ADAMTSL1: variants seen among roughly 807,000 people sequenced by gnomAD.
ADAMTSL1 encodes the protein ADAMTS-like protein 1.
ADAMTSL1 carries 126 observed loss-of-function variants against 201.8 expected under a neutral mutation model. The observed-to-expected ratio is 0.62, with a 90% CI of 0.54 to 0.72. The LOEUF (loss-of-function observed/expected upper bound fraction) is 0.72. ADAMTSL1 is among the 30% of genes least tolerant of loss of function. The pLI is 0.00. For missense variants in ADAMTSL1, 2,679 were observed against 2,277.8 expected, an observed-to-expected ratio of 1.18 and a Z score of -3.59; for synonymous variants, 1,121 against 903.4, an observed-to-expected ratio of 1.24 and a Z score of -4.32.
At chr9:18,114,499 G>A (rs373607286) in intron 1 of ADAMTSL1, among the ~76,000 whole-genome samples, 4 of 151,970 alleles carry the variant, frequency 2.6e-5, no homozygotes, top group Admixed American at 6.6e-5. Context: ...AGGAAGGAGG[G>A]AGGAGAGGAA....
At position 18,474,365 on chromosome 9, in the gene ADAMTSL1, G is replaced by T; in HGVS notation, c.63+70G>T. 7 of 1,449,416 alleles carry T rather than the reference G, an allele frequency of 4.8e-6. No individual in the cohort carries two copies. The South Asian group carries it at 8.1e-5, about 17-fold the overall frequency. 89.8% of individuals were successfully genotyped at this position (1,449,416 alleles called of 1,614,324 possible). ...TGGGTGCTGTTGGGGGTGTGTGTGT[G>T]TATGTGTGTTTGTGTGTGTGTGTGT... On this transcript the variant is annotated intron_variant, in intron 1 of 28. Coordinates refer to ENST00000380548, the MANE Select transcript of ADAMTSL1 (RefSeq NM_001040272.6).
chr9:18,527,211 G>C (rs1819133939), intron 2 of ADAMTSL1, among the ~76,000 whole-genome samples: 1 of 152,186 alleles, frequency 6.6e-6, no homozygotes, highest in Admixed American at 6.6e-5. Flanking sequence ...TGAAAAGCTA[G>C]TGATATTCAG....
chr9:18,166,151 T>C (rs1464138636), intron 2 of ADAMTSL1, among the ~76,000 whole-genome samples: 1 of 151,950 alleles, frequency 6.6e-6, no homozygotes, highest in Non-Finnish European at 1.5e-5. Context: ...CCCAAAGACA[T>C]TTATGCACAC....
At chr9:18,073,962 C>G (rs886537288) in intron 1 of ADAMTSL1, among the ~76,000 whole-genome samples, 2 of 138,544 alleles carry the variant, frequency 1.4e-5, no homozygotes, top group African/African-American at 5.5e-5. Flanking sequence ...CTGTTTCATG[C>G]CTTGTTGTAA....
chr9:18,067,371 C>T (rs1822752474), intron 1 of ADAMTSL1, among the ~76,000 whole-genome samples: 1 of 152,302 alleles, frequency 6.6e-6, no homozygotes, highest in Non-Finnish European at 1.5e-5. Context: ...AATTCAAAAA[C>T]ATTAGCAGAT....
chr9:18,457,517 A>G (rs1288202534), intron 2 of ADAMTSL1, among the ~76,000 whole-genome samples: 2 of 152,060 alleles, frequency 1.3e-5, no homozygotes, highest in Admixed American at 6.6e-5. Flanking sequence ...TAGTTTTTGT[A>G]GAGACAGTAG....
At chr9:18,067,706 C>T (rs1231981586) in intron 1 of ADAMTSL1, among the ~76,000 whole-genome samples, 2 of 152,112 alleles carry the variant, frequency 1.3e-5, no homozygotes, top group Non-Finnish European at 2.9e-5. Flanking sequence ...CAACAGCAGC[C>T]GGGCCTAGGA....
rs921325649 is a variant in ADAMTSL1, at chr9:18,504,835, A to G, written c.70A>G (p.Arg24Gly). Reference sequence around the variant, plus strand: ...ATTCTTTTGTTTCTCACAGAGTTCCAGGACCGCACGCTCCGAGGAGGACCG... The same window carrying G: ...ATTCTTTTGTTTCTCACAGAGTTCCGGGACCGCACGCTCCGAGGAGGACCG... ...LFLAFLLLSS[R>G]TARSEEDRDG... The change falls in exon 2 of 29, where the codon AGG (arginine) becomes GGG (glycine). Residue 24 changes from arginine to glycine, a missense_variant. Physicochemically the swap from Arg to Gly is moderately radical, Grantham distance 125. Coordinates refer to ENST00000380548, the MANE Select transcript of ADAMTSL1 (RefSeq NM_001040272.6). The G allele has an allele frequency of 9.3e-6, 15 of 1,614,098 alleles. No homozygotes were observed. In the African/African-American group the frequency reaches 1.5e-4, roughly 16 times the overall value.
chr9:17,990,515 TTTC>T (rs1466642334), intron 1 of ADAMTSL1, among the ~76,000 whole-genome samples: 4 of 152,084 alleles, frequency 2.6e-5, no homozygotes, highest in Non-Finnish European at 5.9e-5. Flanking sequence ...TTTTTCACCT[TTTC>T]TTAACAGTAG....
chr9:18,180,555 A>G (rs1433746736), intron 2 of ADAMTSL1, among the ~76,000 whole-genome samples: 3 of 150,306 alleles, frequency 2.0e-5, no homozygotes, highest in Non-Finnish European at 4.4e-5. Context: ...AAAAAAAAAA[A>G]TACCTAAGAA....
chr9:18,637,810 G>A (rs529652547), intron 6 of ADAMTSL1, among the ~76,000 whole-genome samples: 7 of 152,184 alleles, frequency 4.6e-5, no homozygotes, highest in African/African-American at 1.7e-4. Flanking sequence ...AATAAGATGA[G>A]GCAATCTAGT....
intron 23 of ADAMTSL1, among the ~76,000 whole-genome samples, chr9:18,886,462 G>A (rs181320106): frequency 2.6e-4 from 40 of 152,132 alleles, no homozygotes; most frequent in African/African-American, 9.2e-4. Context: ...GAGGGTAGCC[G>A]CCTGTCTTAG....
At chr9:18,048,453 C>G (rs771609824) in intron 1 of ADAMTSL1, among the ~76,000 whole-genome samples, 11 of 152,026 alleles carry the variant, frequency 7.2e-5, no homozygotes, top group Non-Finnish European at 1.3e-4. Context: ...GGCTTTAATA[C>G]TGCTATATAG....
intron 1 of ADAMTSL1, among the ~76,000 whole-genome samples, chr9:18,077,287 G>A (rs1476008052): frequency 6.6e-6 from 1 of 152,166 alleles, no homozygotes; most frequent in African/African-American, 2.4e-5. Context: ...CATATTTAAC[G>A]TTGGAGGAAA....
chr9:18,777,166 G>T lies in ADAMTSL1; in HGVS notation c.2937G>T (p.Glu979Asp), dbSNP rs562701410. 6.2e-7 allele frequency: 1 copy of T among 1,612,940 alleles called. No individual in the cohort carries two copies. Among genetic ancestry groups the T allele is most frequent in the Non-Finnish European group, 8.5e-7 (1 of 1,179,812 alleles). Reference protein sequence around the residue: ...ARPLSPRSEEEVLAGRKGGPK... With the variant: ...ARPLSPRSEEDVLAGRKGGPK... ...CCTTGAGCCCGAGAAGTGAGGAAGAGGTGCTTGCGGGGAGGAAGGGCGGCC... is the reference window on the plus strand; with the variant it reads ...CCTTGAGCCCGAGAAGTGAGGAAGATGTGCTTGCGGGGAGGAAGGGCGGCC... The change falls in exon 19 of 29, where the codon GAG becomes GAT. Residue 979 changes from glutamate (E) to aspartate (D), a missense_variant. Glu to Asp is a conservative substitution (Grantham distance 45). Transcript: ENST00000380548.
chr9:18,378,819 G>T (rs1837422153), intron 2 of ADAMTSL1, among the ~76,000 whole-genome samples: 1 of 149,986 alleles, frequency 6.7e-6, no homozygotes, highest in South Asian at 2.1e-4. Context: ...TTTTGTTGTT[G>T]TTTGTTTGTT....
intron 1 of ADAMTSL1, among the ~76,000 whole-genome samples, chr9:18,116,218 T>G (rs1825242167): frequency 6.6e-6 from 1 of 152,162 alleles, no homozygotes; most frequent in African/African-American, 2.4e-5. Context: ...GGACAATTAA[T>G]GGACTACATA....
intron 1 of ADAMTSL1, among the ~76,000 whole-genome samples, chr9:18,102,007 C>G (rs910331861): frequency 2.1e-4 from 32 of 152,100 alleles, no homozygotes; most frequent in Admixed American, 1.6e-3. Context: ...TCATTTAGCT[C>G]CCGTGTGTGG....
intron 2 of ADAMTSL1, among the ~76,000 whole-genome samples, chr9:18,227,434 A>C (rs552651287): frequency 6.6e-6 from 1 of 152,252 alleles, no homozygotes; most frequent in Non-Finnish European, 1.5e-5. Flanking sequence ...TGTTCCTCTA[A>C]TGTTGTCTAT....
Sources: allele counts gnomAD v4.1 joint callset (sites outside exome capture counted in the v4.1 genomes callset), GRCh38; gene constraint gnomAD v4.1.1; transcripts MANE v1.5; gene names NCBI Gene and HGNC (gene_info 2026-07-23, HGNC 2026-07-21).